The following SPIRE2 variants were observed in gnomAD, a reference collection of about 807,000 sequenced individuals.
SPIRE2 encodes the protein spire type actin nucleation factor 2.
Under a neutral mutation model 80.7 loss-of-function variants are expected in SPIRE2, and 76 were observed. That is an observed-to-expected ratio of 0.94 (90% CI 0.78 to 1.14). The LOEUF (loss-of-function observed/expected upper bound fraction) is 1.14. Ranked by LOEUF, SPIRE2 falls within the 50% of genes most tolerant of loss-of-function variation. The probability of loss-of-function intolerance (pLI) is 0.00; values close to 1 mark genes in which losing one functional copy is unlikely to be tolerated. For missense variants in SPIRE2, 1,196 were observed against 1,015.3 expected (o/e 1.18, Z -2.42); for synonymous variants, 535 against 432.6 (o/e 1.24, Z -2.94).
In SPIRE2 at chr16:89,850,438, C is replaced by A; in HGVS notation, c.423C>A (p.Gly141=). The change falls in exon 3 of 15, where the codon GGC becomes GGA. Residue 141 remains glycine (G), a synonymous_variant. Transcript: ENST00000378247. ...CCAACAACGACAGCGAGGACAGCGG[C>A]TGCGGTGCCGCCGATGAGGGCTACG... ...LMANNDSEDS[G]CGAADEGYGG... 1 of 1,572,250 alleles carries A rather than the reference C, an allele frequency of 6.4e-7. No individual in the cohort carries two copies. Among genetic ancestry groups the A allele is most frequent in the Non-Finnish European group, 8.6e-7 (1 of 1,160,988 alleles).
intron 1 of SPIRE2, among the ~76,000 whole-genome samples, chr16:89,830,584 T>C (rs1400807417): frequency 1.3e-5 from 2 of 151,188 alleles, no homozygotes; most frequent in African/African-American, 2.4e-5. Context: ...TGCATACTTA[T>C]TTCTCCCTGT....
intron 13 of SPIRE2, 128 bp downstream of exon 13, chr16:89,868,344 T>C: frequency 1.0e-6 from 1 of 971,810 alleles, no homozygotes. Context: ...GCAGAATCCA[T>C]TCCTATACTT....
At chr16:89,853,310 ACTTT>A (rs10554371) in intron 3 of SPIRE2, among the ~76,000 whole-genome samples, 86,352 of 151,482 alleles carry the variant, frequency 0.57, 24,940 homozygotes, top group East Asian at 0.76. Context: ...GCCAGAAAGC[ACTTT>A]CTTTAGGAGG....
chr16:89,846,005 T>G (rs981257016), intron 2 of SPIRE2: 10 of 186,296 alleles, frequency 5.4e-5, no homozygotes, highest in African/African-American at 2.1e-4. Flanking sequence ...CACACCTTTC[T>G]CCTGCCTCAG....
chr16:89,828,650 C>G lies in SPIRE2; in HGVS notation c.100C>G (p.Pro34Ala). ...LEEVLKAYEQ[P>A]LNEEQAWAVC... is the part of the protein sequence containing the mutation. ...GGAGGTGCTGAAGGCCTACGAGCAG[C>G]CGCTCAACGAGGAGCAGGCGTGGGC... The change falls in exon 1 of 15, where the codon CCG (proline) becomes GCG (alanine). Residue 34 changes from proline to alanine, a missense_variant. Transcript: ENST00000378247. The surrounding 1 kb of genome is among the most constrained non-coding windows in gnomAD (Gnocchi z 5.9). 1 of 1,366,356 alleles carries G rather than the reference C, an allele frequency of 7.3e-7. No homozygotes were observed. The highest frequency in any genetic ancestry group is 1.6e-5 in the South Asian group (1 of 62,822). The allele number at this position is 1,366,356 out of a possible 1,614,324, so 84.6% of individuals were successfully genotyped here.
intron 1 of SPIRE2, among the ~76,000 whole-genome samples, chr16:89,840,435 G>C (rs1473115686): frequency 6.7e-6 from 1 of 150,028 alleles, no homozygotes; most frequent in South Asian, 2.1e-4. Context: ...ATTTTTAGTA[G>C]AGACGGGGTT....
intron 1 of SPIRE2, chr16:89,836,275 C>G (rs767929642): frequency 4.4e-6 from 2 of 455,912 alleles, no homozygotes; most frequent in Non-Finnish European, 8.8e-6. Context: ...GGACCCTCAA[C>G]TGCCACTGTA....
chr16:89,828,605 C>A lies in SPIRE2; in HGVS notation c.55C>A (p.Pro19Thr). ...GAAAGAGRPE[P>T]WELSLEEVLK... ...CGCGGCGGGCGCAGGGCGGCCGGAG[C>A]CCTGGGAGCTGTCCCTGGAGGAGGT... Residue 19 changes from proline to threonine, a missense_variant, in exon 1 of 15, where the codon CCC becomes ACC. Physicochemically the swap from Pro to Thr is conservative, Grantham distance 38. Transcript: ENST00000378247. The surrounding 1 kb of genome is among the most constrained non-coding windows in gnomAD (Gnocchi z 5.9). 7.9e-7 allele frequency: 1 copy of A among 1,259,902 alleles called. No individual in the cohort carries two copies. Among genetic ancestry groups the A allele is most frequent in the East Asian group, 3.9e-5 (1 of 25,616 alleles). 78.0% of individuals were successfully genotyped at this position (1,259,902 alleles called of 1,614,324 possible). A position where few individuals can be genotyped will look rare whatever the true frequency, so the allele number is the denominator to read the frequency against.
At position 89,869,556 on chromosome 16, in the gene SPIRE2, C is replaced by G; in HGVS notation, c.1807-11C>G. ...GGTGCCTGGTTCATACCTCCTCCCTCTGTGCTGCAGATGAAGATGCCTTCT... is the reference window on the plus strand; with the variant it reads ...GGTGCCTGGTTCATACCTCCTCCCTGTGTGCTGCAGATGAAGATGCCTTCT... On this transcript the variant is annotated splice_polypyrimidine_tract_variant and intron_variant, in intron 13 of 14. Transcript: ENST00000378247. 6.3e-7 allele frequency: 1 copy of G among 1,580,456 alleles called. No homozygotes were observed.
At chr16:89,857,093 C>T (rs895737195) in intron 7 of SPIRE2, among the ~76,000 whole-genome samples, 3 of 149,808 alleles carry the variant, frequency 2.0e-5, no homozygotes, top group Non-Finnish European at 3.0e-5. Flanking sequence ...ACTTTTTATG[C>T]CTCTCATTAA....
intron 6 of SPIRE2, 110 bp from the exon 7 acceptor site, chr16:89,856,003 G>C: frequency 1.3e-6 from 2 of 1,510,540 alleles, no homozygotes; most frequent in Non-Finnish European, 1.8e-6. Flanking sequence ...TCCAGAGTGG[G>C]CCCGTGTCAT....
In SPIRE2 at chr16:89,850,358, G is replaced by A. The variant is rs34626928; in HGVS notation, c.343G>A (p.Glu115Lys). The change falls in exon 3 of 15, where the codon GAG (glutamate) becomes AAG (lysine). Residue 115 changes from glutamate to lysine, a missense_variant. Physicochemically the swap from Glu to Lys is moderately conservative, Grantham distance 56. Transcript: ENST00000378247. ...IYRALDWGLDESEERELSPQL... is the reference protein window; with the variant it reads ...IYRALDWGLDKSEERELSPQL... ...CCGCGCGCTGGACTGGGGGCTGGAC[G>A]AGAGCGAGGAGCGCGAACTCAGCCC... 5.0e-6 allele frequency: 8 copies of A among 1,599,612 alleles called. No homozygotes were observed. Among genetic ancestry groups the A allele is most frequent in the Non-Finnish European group, 6.8e-6 (8 of 1,174,904 alleles).
At chr16:89,864,330 G>A (rs1352848099) in intron 12 of SPIRE2, among the ~76,000 whole-genome samples, 2 of 151,816 alleles carry the variant, frequency 1.3e-5, no homozygotes, top group South Asian at 2.1e-4. Context: ...AGAGGGCTGC[G>A]CCGAGAAAGC....
At chr16:89,835,234 C>T (rs1444737636) in intron 1 of SPIRE2, among the ~76,000 whole-genome samples, 1 of 144,050 alleles carries the variant, frequency 6.9e-6, no homozygotes, top group African/African-American at 3.0e-5. Context: ...GTCTTAGAAG[C>T]GTGGATAAGC....
At chr16:89,831,634 T>A (rs2041383749) in intron 1 of SPIRE2, among the ~76,000 whole-genome samples, 1 of 150,850 alleles carries the variant, frequency 6.6e-6, no homozygotes, top group Non-Finnish European at 1.5e-5. Flanking sequence ...CCTGACCTCA[T>A]GATCCGCCCA....
intron 1 of SPIRE2, among the ~76,000 whole-genome samples, chr16:89,839,299 A>C (rs973784231): frequency 1.3e-5 from 2 of 150,894 alleles, no homozygotes; most frequent in Non-Finnish European, 2.9e-5. Context: ...GCATGAACCC[A>C]GGAGGCAGAG....
chr16:89,845,209 C>T (rs553035446), intron 1 of SPIRE2, 113 bp from the exon 2 acceptor site: 28 of 951,142 alleles, frequency 2.9e-5, no homozygotes, highest in African/African-American at 1.5e-4. Flanking sequence ...TCTGGTGTTC[C>T]GGCGGAGAGT....
At chr16:89,851,479 C>T (rs1232790022) in intron 3 of SPIRE2, among the ~76,000 whole-genome samples, 2 of 152,158 alleles carry the variant, frequency 1.3e-5, no homozygotes, top group South Asian at 2.1e-4. Flanking sequence ...GGTCACTTGA[C>T]AGATGAGCAA....
chr16:89,830,509 C>T (rs1254882981), intron 1 of SPIRE2, among the ~76,000 whole-genome samples: 1 of 151,288 alleles, frequency 6.6e-6, no homozygotes, highest in East Asian at 1.9e-4. Flanking sequence ...GGCCAGCTGT[C>T]TCCTCAAAGG....
Sources: allele counts gnomAD v4.1 joint callset (sites outside exome capture counted in the v4.1 genomes callset), GRCh38; gene constraint gnomAD v4.1.1; non-coding constraint Gnocchi (gnomAD v3.1); transcripts MANE v1.5; gene names NCBI Gene and HGNC (gene_info 2026-07-23, HGNC 2026-07-21).